ANKS1B: variants seen among roughly 807,000 people sequenced by gnomAD.
The protein encoded by ANKS1B is ankyrin repeat and sterile alpha motif domain-containing protein 1B.
ANKS1B carries 36 observed loss-of-function variants against 148.3 expected under a neutral mutation model. The ratio of observed to expected loss-of-function variants is 0.24; its 90% CI spans 0.19 to 0.32. The LOEUF is 0.32. Among genes scored for constraint, ANKS1B ranks in the 10% least tolerant of loss-of-function variants. The probability of loss-of-function intolerance (pLI) is 1.00; values close to 1 mark genes in which losing one functional copy is unlikely to be tolerated. For synonymous variants in ANKS1B, 542 were observed against 560.8 expected (o/e 0.97, Z 0.47); for missense variants, 1,157 against 1,542.6 (o/e 0.75, Z 4.19).
chr12:99,408,898 G>A lies in ANKS1B; in HGVS notation c.1576-9087C>T, dbSNP rs1020719931. Among the ~76,000 whole-genome samples, 18 of 117,138 alleles carry A rather than the reference G, an allele frequency of 1.5e-4. 4 individuals carry two copies. Among genetic ancestry groups the A allele is most frequent in the African/African-American group, 6.4e-4 (18 of 28,254 alleles). The allele number at this position is 117,138 out of a possible 152,430, so 76.8% of individuals were successfully genotyped here. On this transcript the variant is annotated intron_variant, in intron 11 of 26. Transcript: ENST00000683438. The stretch of plus-strand genomic sequence containing the variant: ...AAAATGAAACCCTTGTAAACTGCTG[G>A]TGGGAATGTAAATTACTACAACCAA...
At chr12:99,314,649 CA>C (rs1191658808) in intron 12 of ANKS1B, among the ~76,000 whole-genome samples, 1 of 151,280 alleles carries the variant, frequency 6.6e-6, no homozygotes, top group African/African-American at 2.4e-5. Context: ...ACAAGCCTGA[CA>C]AAAAAAAGCA....
chr12:98,868,718 G>C (rs914379390), intron 17 of ANKS1B, among the ~76,000 whole-genome samples: 1 of 152,204 alleles, frequency 6.6e-6, no homozygotes, highest in African/African-American at 2.4e-5. Flanking sequence ...CTTAGCATGA[G>C]ACCTGACCCC....
At chr12:99,677,381 A>C (rs1432258517) in intron 8 of ANKS1B, among the ~76,000 whole-genome samples, 1 of 152,144 alleles carries the variant, frequency 6.6e-6, no homozygotes, top group Non-Finnish European at 1.5e-5. Context: ...TCAAGAAAGT[A>C]GCAAATAATA....
intron 8 of ANKS1B, among the ~76,000 whole-genome samples, chr12:99,688,964 TA>T (rs1424069149): frequency 2.6e-5 from 4 of 152,042 alleles, no homozygotes; most frequent in Non-Finnish European, 4.4e-5. Flanking sequence ...CCATTGTGTA[TA>T]AAAAAATTAC....
chr12:99,918,019 T>G (rs1452740069), intron 1 of ANKS1B, among the ~76,000 whole-genome samples: 1 of 152,224 alleles, frequency 6.6e-6, no homozygotes, highest in Non-Finnish European at 1.5e-5. Context: ...GCATGCTCCT[T>G]ATGAGAATCT....
chr12:99,917,263 T>A (rs573257381), intron 1 of ANKS1B, among the ~76,000 whole-genome samples: 1 of 152,256 alleles, frequency 6.6e-6, no homozygotes, highest in South Asian at 2.1e-4. Flanking sequence ...TAACAAAGCA[T>A]CTATAGTAGA....
intron 17 of ANKS1B, among the ~76,000 whole-genome samples, chr12:98,906,436 G>T (rs530127258): frequency 2.6e-5 from 4 of 152,166 alleles, no homozygotes; most frequent in African/African-American, 4.8e-5. Flanking sequence ...ATGTTCCTGG[G>T]GAGGGAACAG....
chr12:99,123,449 C>T (rs955375788), intron 15 of ANKS1B, among the ~76,000 whole-genome samples: 1 of 151,868 alleles, frequency 6.6e-6, no homozygotes, highest in Non-Finnish European at 1.5e-5. Flanking sequence ...TCTAAAGGGA[C>T]AGAACTAAGT....
At chr12:98,873,858 C>T (rs1185906327) in intron 17 of ANKS1B, among the ~76,000 whole-genome samples, 1 of 152,260 alleles carries the variant, frequency 6.6e-6, no homozygotes, top group East Asian at 1.9e-4. Flanking sequence ...GTGCTCTCTT[C>T]CAAAGGGCAG....
At chr12:98,921,142 CT>C (rs1213401160) in intron 17 of ANKS1B, among the ~76,000 whole-genome samples, 1 of 152,068 alleles carries the variant, frequency 6.6e-6, no homozygotes, top group African/African-American at 2.4e-5. Flanking sequence ...TTCCCTTCCC[CT>C]CTTCCTCATT....
At chr12:99,564,728 A>G (rs2097371142) in intron 9 of ANKS1B, among the ~76,000 whole-genome samples, 1 of 152,164 alleles carries the variant, frequency 6.6e-6, no homozygotes, top group South Asian at 2.1e-4. Context: ...TTTTTAGCAC[A>G]AACAATAATA....
chr12:99,556,402 T>A (rs144860474), intron 9 of ANKS1B, among the ~76,000 whole-genome samples: 1 of 152,278 alleles, frequency 6.6e-6, no homozygotes, highest in South Asian at 2.1e-4. Context: ...TTCAGTGATT[T>A]TTTTTGGGGG....
intron 8 of ANKS1B, among the ~76,000 whole-genome samples, chr12:99,700,337 C>A (rs986171818): frequency 6.6e-6 from 1 of 152,042 alleles, no homozygotes; most frequent in Admixed American, 6.6e-5. Flanking sequence ...GTTCCAAGAC[C>A]CCCAGTGAAT....
At chr12:99,970,832 C>T (rs949982729) in intron 1 of ANKS1B, among the ~76,000 whole-genome samples, 6 of 152,148 alleles carry the variant, frequency 3.9e-5, no homozygotes, top group Admixed American at 3.9e-4. Flanking sequence ...ATTCTGGGTG[C>T]CTCCTTCTTG....
rs191862611 is a variant in ANKS1B, at chr12:99,269,778, C to T, written c.1757-22914G>A. Among the ~76,000 whole-genome samples the T allele has an allele frequency of 4.3e-3, 650 of 152,286 alleles. 3 individuals carry two copies. The highest frequency in any genetic ancestry group is 0.015 in the African/African-American group (611 of 41,560). ...GTTTCACCTTGTTAGCCAGGATGGT[C>T]TCGATCTCCTGACCTCGTGATCTGC... is the stretch of plus-strand genomic sequence containing the variant. On this transcript the variant is annotated intron_variant, in intron 12 of 26. Coordinates refer to ENST00000683438, the MANE Select transcript of ANKS1B (RefSeq NM_001352186.2).
rs1394264348 is a variant in ANKS1B at position 98,744,344 on chromosome 12, T to G, written c.*1395A>C. The G allele has an allele frequency of 1.1e-5, 10 of 906,858 alleles. No individual in the cohort carries two copies. In the East Asian group the frequency reaches 1.1e-3, roughly 97 times the overall value. The allele number at this position is 906,858 out of a possible 1,614,324, so 56.2% of individuals were successfully genotyped here. A position where few individuals can be genotyped will look rare whatever the true frequency, so the allele number is the denominator to read the frequency against. On this transcript the variant is annotated 3_prime_UTR_variant, in exon 27 of 27. Transcript: ENST00000683438. ...ACCAACTGATGAATGTAACTGATCA[T>G]CTCAGTTAGGTTTAAAATAATGTCA... is the stretch of plus-strand genomic sequence containing the variant.
At chr12:99,512,675 G>C (rs183991956) in intron 9 of ANKS1B, among the ~76,000 whole-genome samples, 1 of 152,100 alleles carries the variant, frequency 6.6e-6, no homozygotes, top group Non-Finnish European at 1.5e-5. Flanking sequence ...TGATAGACTG[G>C]ATAAAGAAAA....
At chr12:99,954,608 C>T (rs2095284642) in intron 1 of ANKS1B, among the ~76,000 whole-genome samples, 1 of 152,116 alleles carries the variant, frequency 6.6e-6, no homozygotes, top group Non-Finnish European at 1.5e-5. Context: ...CATTCATTAT[C>T]ACTGTTGCCT....
chr12:99,167,796 T>C (rs2077333536), intron 14 of ANKS1B, among the ~76,000 whole-genome samples: 1 of 152,192 alleles, frequency 6.6e-6, no homozygotes, highest in South Asian at 2.1e-4. Flanking sequence ...AGAAACATCC[T>C]AAAAGTCCAT....
Sources: gnomAD v4.1 joint callset for allele counts (sites outside exome capture counted in the v4.1 genomes callset) on GRCh38, gnomAD v4.1.1 for gene constraint, MANE v1.5 for transcripts, NCBI Gene and HGNC (gene_info 2026-07-23, HGNC 2026-07-21) for gene names.